The following MSRA variants were observed in gnomAD, a reference collection of about 807,000 sequenced individuals.
MSRA encodes methionine sulfoxide reductase A, also known as mitochondrial peptide methionine sulfoxide reductase.
In MSRA, 54 loss-of-function variants were observed where a neutral mutation model predicts 31.3. The observed-to-expected ratio is 1.73, with a 90% CI of 1.39 to 2.17. The LOEUF is 2.17. Among genes scored for constraint, MSRA ranks in the 30% most tolerant of loss-of-function variants. The pLI is 0.00. For missense variants in MSRA, 507 were observed against 300.9 expected (o/e 1.69, Z -5.07); for synonymous variants, 169 against 116.5 (o/e 1.45, Z -2.90).
chr8:10,207,240 G>T (rs538858695), intron 1 of MSRA, among the ~76,000 whole-genome samples: 1 of 152,166 alleles, frequency 6.6e-6, no homozygotes, highest in Non-Finnish European at 1.5e-5. Flanking sequence ...GGAGGACCTG[G>T]GTGGGGGGAT....
intron 3 of MSRA, among the ~76,000 whole-genome samples, chr8:10,266,862 T>C (rs1321787346): frequency 6.6e-6 from 1 of 152,200 alleles, no homozygotes; most frequent in Non-Finnish European, 1.5e-5. Flanking sequence ...AGTACTGTCA[T>C]ATTAAAATGC....
At chr8:10,210,358 T>A (rs890865341) in intron 2 of MSRA, among the ~76,000 whole-genome samples, 1 of 152,218 alleles carries the variant, frequency 6.6e-6, no homozygotes, top group African/African-American at 2.4e-5. Context: ...CTCTCTGCAC[T>A]GGTTCAAGGA....
At chr8:10,170,994 T>C (rs1030477088) in intron 1 of MSRA, among the ~76,000 whole-genome samples, 1 of 152,220 alleles carries the variant, frequency 6.6e-6, no homozygotes, top group Admixed American at 6.5e-5. Context: ...TATCTTCCCC[T>C]AGCTCTTGAT....
At chr8:10,096,021 A>C in intron 1 of MSRA, 1 of 1,457,200 alleles carries the variant, frequency 6.9e-7, no homozygotes, top group Middle Eastern at 2.4e-4. Flanking sequence ...TCAGAAAGAC[A>C]TCCTTCGGAA....
intron 3 of MSRA, among the ~76,000 whole-genome samples, chr8:10,283,540 C>T (rs1799747824): frequency 6.6e-6 from 1 of 151,734 alleles, no homozygotes; most frequent in East Asian, 1.9e-4. Flanking sequence ...CACCCATCAC[C>T]CAAGCACTAT....
At chr8:10,376,571 C>G (rs1585623117) in intron 5 of MSRA, among the ~76,000 whole-genome samples, 1 of 152,140 alleles carries the variant, frequency 6.6e-6, no homozygotes, top group South Asian at 2.1e-4. Flanking sequence ...ATAACTTATT[C>G]CAGGTAAAGC....
At chr8:10,402,218 C>T (rs1348986222) in intron 5 of MSRA, among the ~76,000 whole-genome samples, 2 of 152,206 alleles carry the variant, frequency 1.3e-5, no homozygotes, top group Non-Finnish European at 2.9e-5. Flanking sequence ...CCCCTCCCAC[C>T]TCTAAACATT....
intron 5 of MSRA, among the ~76,000 whole-genome samples, chr8:10,405,412 G>C (rs1807743623): frequency 6.6e-6 from 1 of 152,212 alleles, no homozygotes; most frequent in Non-Finnish European, 1.5e-5. Flanking sequence ...TGGTCGCCAA[G>C]TCACTGCTGT....
At chr8:10,366,093 G>A (rs1805149516) in intron 5 of MSRA, among the ~76,000 whole-genome samples, 1 of 152,198 alleles carries the variant, frequency 6.6e-6, no homozygotes, top group Admixed American at 6.5e-5. Context: ...GATGTTTACT[G>A]GTCTTGTGGC....
At chr8:10,153,598 C>T (rs765160414) in intron 1 of MSRA, among the ~76,000 whole-genome samples, 8 of 152,018 alleles carry the variant, frequency 5.3e-5, no homozygotes, top group Non-Finnish European at 1.2e-4. Flanking sequence ...TTTTTGGTGG[C>T]AGTTAGGGAT....
intron 1 of MSRA, among the ~76,000 whole-genome samples, chr8:10,179,183 C>T (rs189852997): frequency 1.3e-5 from 2 of 152,104 alleles, no homozygotes; most frequent in Non-Finnish European, 2.9e-5. Context: ...ATTTTTGCCT[C>T]TATAGTAATG....
intron 2 of MSRA, among the ~76,000 whole-genome samples, chr8:10,233,420 A>G (rs369154353): frequency 6.6e-6 from 1 of 152,106 alleles, no homozygotes; most frequent in African/African-American, 2.4e-5. Flanking sequence ...TTTTATAACA[A>G]ACAAAAGCAT....
At chr8:10,345,449 C>T (rs1039870166) in intron 5 of MSRA, among the ~76,000 whole-genome samples, 7 of 152,150 alleles carry the variant, frequency 4.6e-5, no homozygotes, top group Non-Finnish European at 5.9e-5. Flanking sequence ...TTGTACCAAG[C>T]GATCCAAGGG....
intron 5 of MSRA, among the ~76,000 whole-genome samples, chr8:10,349,390 C>A (rs1318911899): frequency 6.6e-6 from 1 of 151,274 alleles, no homozygotes; most frequent in African/African-American, 2.4e-5. Flanking sequence ...GCACACGTAC[C>A]GTTGCCTTTG....
intron 3 of MSRA, among the ~76,000 whole-genome samples, chr8:10,295,429 A>G (rs1563320639): frequency 6.6e-6 from 1 of 152,228 alleles, no homozygotes; most frequent in East Asian, 1.9e-4. Flanking sequence ...CTGGGGATCT[A>G]CACAGACCAC....
intron 3 of MSRA, among the ~76,000 whole-genome samples, chr8:10,251,105 C>A (rs1025592007): frequency 7.2e-5 from 11 of 152,144 alleles, no homozygotes; most frequent in Non-Finnish European, 1.3e-4. Flanking sequence ...CAGGTCATGT[C>A]ACCCCCTTTT....
intron 2 of MSRA, among the ~76,000 whole-genome samples, chr8:10,236,511 T>C (rs182793926): frequency 2.6e-5 from 4 of 152,248 alleles, no homozygotes; most frequent in African/African-American, 9.6e-5. Context: ...CCACAAATCA[T>C]GGGGTACATA....
chr8:10,249,450 C>T (rs1042720159), intron 3 of MSRA, among the ~76,000 whole-genome samples: 2 of 152,184 alleles, frequency 1.3e-5, no homozygotes, highest in Non-Finnish European at 2.9e-5. Context: ...ATTTCCTATC[C>T]CTTGCATGTG....
At chr8:10,272,451 G>A (rs1011819509) in intron 3 of MSRA, among the ~76,000 whole-genome samples, 9 of 152,184 alleles carry the variant, frequency 5.9e-5, no homozygotes, top group Admixed American at 2.6e-4. Flanking sequence ...CCTTCAAGCC[G>A]GAGGAGTCCT....
Sources: allele counts gnomAD v4.1 joint callset (sites outside exome capture counted in the v4.1 genomes callset), GRCh38; gene constraint gnomAD v4.1.1; transcripts MANE v1.5; gene names NCBI Gene and HGNC (gene_info 2026-07-23, HGNC 2026-07-21).